The following TMIGD3 variants were observed in gnomAD, a reference collection of about 807,000 sequenced individuals.
The protein encoded by TMIGD3 is AD026 protein (AD026).
Under a neutral mutation model 28.1 loss-of-function variants are expected in TMIGD3, and 21 were observed. That is an observed-to-expected ratio of 0.75 (90% CI 0.53 to 1.08). The LOEUF is 1.08. Among genes scored for constraint, TMIGD3 ranks in the 50% least tolerant of loss-of-function variants. The probability of loss-of-function intolerance (pLI) is 0.00; values close to 1 mark genes in which losing one functional copy is unlikely to be tolerated. For missense variants in TMIGD3, 416 were observed against 435.6 expected, an observed-to-expected ratio of 0.96 and a Z score of 0.40; for synonymous variants, 151 against 162.1, an observed-to-expected ratio of 0.93 and a Z score of 0.52.
At chr1:111,545,460 A>G (rs1010222541) in intron 1 of TMIGD3, among the ~76,000 whole-genome samples, 2 of 151,972 alleles carry the variant, frequency 1.3e-5, no homozygotes, top group Non-Finnish European at 2.9e-5. Flanking sequence ...GCTCATTTTT[A>G]AATTGGATTA....
At chr1:111,526,933 G>A (rs1462230795) in intron 1 of TMIGD3, among the ~76,000 whole-genome samples, 1 of 150,576 alleles carries the variant, frequency 6.6e-6, no homozygotes, top group Non-Finnish European at 1.5e-5. Context: ...CATATATTTG[G>A]AATCATACAG....
intron 1 of TMIGD3, among the ~76,000 whole-genome samples, chr1:111,537,456 A>T (rs1656674908): frequency 6.6e-6 from 1 of 152,248 alleles, no homozygotes; most frequent in African/African-American, 2.4e-5. Context: ...TCATTCAGTG[A>T]TAAAGACAGG....
intron 1 of TMIGD3, among the ~76,000 whole-genome samples, chr1:111,502,050 T>TATAATAAATATATAGGATATATATA (rs1188838374): frequency 2.9e-5 from 4 of 135,608 alleles, no homozygotes; most frequent in Admixed American, 8.2e-5. Context: ...ATATATTTAA[T>TATAATAAATATATAGGATATATATA]ATAATAAATA....
chr1:111,518,187 A>G (rs1479222405), intron 1 of TMIGD3, among the ~76,000 whole-genome samples: 2 of 152,342 alleles, frequency 1.3e-5, no homozygotes, highest in East Asian at 3.9e-4. Flanking sequence ...CTTTTTCTGA[A>G]TATAAGACAG....
intron 1 of TMIGD3, among the ~76,000 whole-genome samples, chr1:111,524,300 A>G (rs1010088605): frequency 4.6e-5 from 7 of 151,962 alleles, no homozygotes; most frequent in Non-Finnish European, 8.8e-5. Context: ...AGGTGCTGGG[A>G]TTACAGGCGT....
chr1:111,499,761 G>A (rs923), intron 1 of TMIGD3: 1,147,812 of 1,414,966 alleles, frequency 0.81, 466,336 homozygotes, highest in Middle Eastern at 0.89. Flanking sequence ...GAAAGGACAA[G>A]GGAAAAATGA....
At chr1:111,485,943 C>A (rs959316224) in intron 4 of TMIGD3, 103 bp from the exon 5 acceptor site, 13 of 860,610 alleles carry the variant, frequency 1.5e-5, no homozygotes, top group Non-Finnish European at 2.4e-5. Flanking sequence ...GCCCACCCCC[C>A]AACCCAGTTA....
intron 1 of TMIGD3, among the ~76,000 whole-genome samples, chr1:111,528,990 GTA>G (rs1158318162): frequency 2.6e-5 from 4 of 151,876 alleles, no homozygotes; most frequent in African/African-American, 9.7e-5. Context: ...TCCCATCTGT[GTA>G]CCTTTTTTTC....
At chr1:111,489,488 T>C (rs776258741) in intron 2 of TMIGD3, 51 of 865,230 alleles carry the variant, frequency 5.9e-5, no homozygotes, top group African/African-American at 1.9e-5. Context: ...CATAAGGAAA[T>C]AAATTTCCAT....
At chr1:111,543,366 C>T (rs1656914639) in intron 1 of TMIGD3, among the ~76,000 whole-genome samples, 1 of 152,024 alleles carries the variant, frequency 6.6e-6, no homozygotes, top group Admixed American at 6.6e-5. Flanking sequence ...AGATTCGCTG[C>T]CAAAAGGGAA....
chr1:111,538,422 A>C (rs535589190), intron 1 of TMIGD3, among the ~76,000 whole-genome samples: 1 of 152,306 alleles, frequency 6.6e-6, no homozygotes, highest in Non-Finnish European at 1.5e-5. Flanking sequence ...GTGTGTGACT[A>C]AGGGCTCTGA....
chr1:111,491,406 G>A (rs889766086), intron 1 of TMIGD3, among the ~76,000 whole-genome samples: 1 of 152,184 alleles, frequency 6.6e-6, no homozygotes, highest in Non-Finnish European at 1.5e-5. Context: ...GATTCTAATG[G>A]GACTCATGTG....
At chr1:111,490,364 G>T (rs374419050) in intron 2 of TMIGD3, 1 of 315,156 alleles carries the variant, frequency 3.2e-6, no homozygotes, top group East Asian at 5.6e-5. Context: ...TTGCACAAGG[G>T]CCATGCTAAT....
chr1:111,548,178 A>G (rs532974738), intron 1 of TMIGD3, among the ~76,000 whole-genome samples: 6 of 152,232 alleles, frequency 3.9e-5, no homozygotes, highest in African/African-American at 1.4e-4. Flanking sequence ...GTGCCACCAC[A>G]CCTGGCTAAT....
At chr1:111,493,998 G>T (rs1298474155) in intron 1 of TMIGD3, among the ~76,000 whole-genome samples, 1 of 152,018 alleles carries the variant, frequency 6.6e-6, no homozygotes, top group African/African-American at 2.4e-5. Flanking sequence ...TTGGTTAAAA[G>T]AAACTGAATA....
chr1:111,510,624 T>C (rs1159237584), intron 1 of TMIGD3, among the ~76,000 whole-genome samples: 1 of 152,182 alleles, frequency 6.6e-6, no homozygotes, highest in Non-Finnish European at 1.5e-5. Context: ...TTGTGCCCCA[T>C]ATCATTCCTT....
chr1:111,534,567 G>T (rs553707325), intron 1 of TMIGD3, among the ~76,000 whole-genome samples: 12 of 152,238 alleles, frequency 7.9e-5, no homozygotes, highest in Admixed American at 7.2e-4. Context: ...CTCCAAACAT[G>T]GTTTTCTAGC....
intron 1 of TMIGD3, among the ~76,000 whole-genome samples, chr1:111,517,187 C>A (rs959227462): frequency 1.2e-4 from 18 of 152,220 alleles, no homozygotes; most frequent in African/African-American, 3.9e-4. Flanking sequence ...GAGGAACCCT[C>A]GATAAAGTCT....
intron 1 of TMIGD3, among the ~76,000 whole-genome samples, chr1:111,543,374 G>A (rs1360862058): frequency 6.6e-6 from 1 of 151,984 alleles, no homozygotes; most frequent in Non-Finnish European, 1.5e-5. Context: ...TGCCAAAAGG[G>A]AAAAACCATC....
Sources: gnomAD v4.1 joint callset for allele counts (sites outside exome capture counted in the v4.1 genomes callset) on GRCh38, gnomAD v4.1.1 for gene constraint, MANE v1.5 for transcripts, NCBI Gene and HGNC (gene_info 2026-07-23, HGNC 2026-07-21) for gene names.